The following NRXN1 variants were observed in gnomAD, a reference collection of about 807,000 sequenced individuals.
NRXN1 encodes the protein neurexin 1.
A neutral mutation model predicts 150.9 loss-of-function variants in NRXN1; 39 were observed. The observed-to-expected ratio is 0.26, with a 90% CI of 0.20 to 0.34. The LOEUF is 0.34. NRXN1 is among the 10% of genes least tolerant of loss of function. The pLI is 1.00. For missense variants in NRXN1, 1,815 were observed against 1,949.9 expected (o/e 0.93, Z 1.30); for synonymous variants, 924 against 757.0 (o/e 1.22, Z -3.62).
chr2:50,254,437 T>C (rs116350650), intron 17 of NRXN1, among the ~76,000 whole-genome samples: 1,842 of 152,020 alleles, frequency 0.012, 68 homozygotes, highest in African/African-American at 0.042. Flanking sequence ...TGATCTTGGT[T>C]ATTTCTTGTC....
intron 19 of NRXN1, among the ~76,000 whole-genome samples, chr2:50,079,364 T>C (rs1697583219): frequency 2.0e-5 from 3 of 152,102 alleles, no homozygotes. Flanking sequence ...GCCACACCCA[T>C]TCATTTTCCT....
intron 5 of NRXN1, among the ~76,000 whole-genome samples, chr2:50,639,050 C>A (rs1683659025): frequency 6.6e-6 from 1 of 151,936 alleles, no homozygotes; most frequent in Non-Finnish European, 1.5e-5. Flanking sequence ...GTTATTCAAC[C>A]TTTCCATTTT....
intron 17 of NRXN1, among the ~76,000 whole-genome samples, chr2:50,361,386 G>A (rs986435049): frequency 6.6e-6 from 1 of 152,008 alleles, no homozygotes; most frequent in Non-Finnish European, 1.5e-5. Context: ...TATAAGAAAA[G>A]AGAGAAGAAT....
chr2:50,166,125 A>G (rs1179839676), intron 18 of NRXN1, among the ~76,000 whole-genome samples: 1 of 152,194 alleles, frequency 6.6e-6, no homozygotes, highest in Non-Finnish European at 1.5e-5. Context: ...TATGACACTC[A>G]AAAGAAATGC....
At chr2:50,433,498 T>C (rs1306003007) in intron 17 of NRXN1, among the ~76,000 whole-genome samples, 2 of 152,178 alleles carry the variant, frequency 1.3e-5, no homozygotes, top group Non-Finnish European at 2.9e-5. Context: ...TTCTTCTATA[T>C]ATTTTCTCAG....
chr2:50,098,466 C>T lies in NRXN1; in HGVS notation c.3547-6972G>A, dbSNP rs185476646. 1.4e-4 allele frequency among the ~76,000 whole-genome samples: 21 copies of T among 152,236 alleles called. No homozygotes were observed. The East Asian group carries it at 3.9e-3, about 28-fold the overall frequency. On this transcript the variant is annotated intron_variant, in intron 18 of 22. Transcript: ENST00000401669. ...CTAACACTACCAGCAGGTTCTAATG[C>T]AACTCCCAGGGACATAGAAGTTATG...
At chr2:50,865,802 G>C (rs1376656243) in intron 5 of NRXN1, among the ~76,000 whole-genome samples, 2 of 150,034 alleles carry the variant, frequency 1.3e-5, no homozygotes, top group South Asian at 4.2e-4. Context: ...CTGGGAATGG[G>C]AATTACTATG....
intron 16 of NRXN1, among the ~76,000 whole-genome samples, chr2:50,470,113 C>A (rs76769483): frequency 0.02 from 2,963 of 151,622 alleles, 108 homozygotes; most frequent in African/African-American, 0.068. Flanking sequence ...AGTCACATAC[C>A]AAACAACTTG....
At chr2:50,523,151 G>C (rs201496970) in intron 12 of NRXN1, among the ~76,000 whole-genome samples, 5 of 6,984 alleles carry the variant, frequency 7.2e-4, no homozygotes, top group African/African-American at 1.9e-3. Flanking sequence ...AATTTTTTTT[G>C]ATTTTTGCTG....
At chr2:50,820,633 C>A (rs1669589821) in intron 5 of NRXN1, among the ~76,000 whole-genome samples, 1 of 152,138 alleles carries the variant, frequency 6.6e-6, no homozygotes. Flanking sequence ...CCTCGCTCTA[C>A]CCTCCATCCA....
chr2:50,290,635 T>C (rs377155769), intron 17 of NRXN1, among the ~76,000 whole-genome samples: 1 of 152,180 alleles, frequency 6.6e-6, no homozygotes, highest in East Asian at 1.9e-4. Flanking sequence ...GCCAAGCCAC[T>C]GGAACCACAC....
intron 12 of NRXN1, among the ~76,000 whole-genome samples, chr2:50,524,679 A>C (rs2092896684): frequency 6.6e-6 from 1 of 152,104 alleles, no homozygotes; most frequent in South Asian, 2.1e-4. Context: ...GCATATTTAA[A>C]GTAGTTACTG....
chr2:50,131,320 A>G (rs138405227), intron 18 of NRXN1, among the ~76,000 whole-genome samples: 1 of 152,334 alleles, frequency 6.6e-6, no homozygotes, highest in East Asian at 1.9e-4. Context: ...AATACCATTG[A>G]TAAAACCTTA....
intron 16 of NRXN1, among the ~76,000 whole-genome samples, chr2:50,471,517 T>C (rs1185108574): frequency 6.6e-6 from 1 of 151,892 alleles, no homozygotes; most frequent in Non-Finnish European, 1.5e-5. Flanking sequence ...TTTGGGCACT[T>C]AGGTAGATTC....
At chr2:50,769,506 G>C (rs1288646257) in intron 5 of NRXN1, among the ~76,000 whole-genome samples, 1 of 152,120 alleles carries the variant, frequency 6.6e-6, no homozygotes, top group Middle Eastern at 3.4e-3. Flanking sequence ...AAAAGAGATG[G>C]GAGCGAGAAA....
chr2:50,346,873 C>T lies in NRXN1; in HGVS notation c.3365-109903G>A, dbSNP rs532881721. On this transcript the variant is annotated intron_variant, in intron 17 of 22. Coordinates refer to ENST00000401669, the MANE Select transcript of NRXN1 (RefSeq NM_001330078.2). This position sits in a 1 kb window ranked among gnomAD's most constrained non-coding sequence, Gnocchi z 5.0. ...AAGCAGGGCCAGGCGCCCCCCTGCG[C>T]CGCCGCCGCCGCCGCCGCCGCCGCC... 2 of 1,243,012 alleles carry T rather than the reference C, an allele frequency of 1.6e-6. No homozygotes were observed. The highest frequency in any genetic ancestry group is 3.7e-5 in the East Asian group (1 of 27,278). 77.0% of individuals were successfully genotyped at this position (1,243,012 alleles called of 1,614,324 possible). A position where few individuals can be genotyped will look rare whatever the true frequency, so the allele number is the denominator to read the frequency against.
chr2:50,442,862 C>T (rs1301501435), intron 17 of NRXN1, among the ~76,000 whole-genome samples: 3 of 152,036 alleles, frequency 2.0e-5, no homozygotes, highest in Non-Finnish European at 4.4e-5. Flanking sequence ...TGTTTAGTGC[C>T]TTGTTTTGAA....
At chr2:50,425,936 T>A (rs901184996) in intron 17 of NRXN1, among the ~76,000 whole-genome samples, 1 of 152,198 alleles carries the variant, frequency 6.6e-6, no homozygotes, top group Admixed American at 6.5e-5. Flanking sequence ...GGAGGCACAC[T>A]GGGCATGCCA....
chr2:50,347,320 G>A lies in NRXN1; in HGVS notation c.3365-110350C>T. 8.0e-7 allele frequency: 1 copy of A among 1,255,762 alleles called. No individual in the cohort carries two copies. Among genetic ancestry groups the A allele is most frequent in the Non-Finnish European group, 1.0e-6 (1 of 974,218 alleles). The allele number at this position is 1,255,762 out of a possible 1,614,324, so 77.8% of individuals were successfully genotyped here. A position where few individuals can be genotyped will look rare whatever the true frequency, so the allele number is the denominator to read the frequency against. ...AGTGCGTGCCGGCGGGTGGGGGGCC[G>A]AGAAATTGTTTAAAGCTCCTCCTGG... On this transcript the variant is annotated intron_variant, in intron 17 of 22. Transcript: ENST00000401669. This position sits in a 1 kb window ranked among gnomAD's most constrained non-coding sequence, Gnocchi z 4.9.
Sources: gnomAD v4.1 joint callset for allele counts (sites outside exome capture counted in the v4.1 genomes callset) on GRCh38, gnomAD v4.1.1 for gene constraint, Gnocchi (gnomAD v3.1) non-coding constraint, MANE v1.5 for transcripts, NCBI Gene and HGNC (gene_info 2026-07-23, HGNC 2026-07-21) for gene names.